The following NAV3 variants were observed in gnomAD, a reference collection of about 807,000 sequenced individuals.
NAV3 encodes neuron navigator 3, also known as pore membrane and/or filament interacting like protein 1.
Under a neutral mutation model 244.7 loss-of-function variants are expected in NAV3, and 87 were observed. That is an observed-to-expected ratio of 0.36 (90% CI 0.30 to 0.42). The LOEUF (loss-of-function observed/expected upper bound fraction) is 0.42, where lower values mean the gene tolerates loss of function less well. NAV3 is among the 20% of genes least tolerant of loss of function. The probability of loss-of-function intolerance (pLI) is 1.00; values close to 1 mark genes in which losing one functional copy is unlikely to be tolerated. For synonymous variants in NAV3, 1,126 were observed against 1,042.2 expected (o/e 1.08, Z -1.55); for missense variants, 2,663 against 2,893.3 (o/e 0.92, Z 1.83).
intron 35 of NAV3, among the ~76,000 whole-genome samples, chr12:78,197,980 G>A (rs974162168): frequency 2.0e-5 from 3 of 151,718 alleles, no homozygotes; most frequent in African/African-American, 7.3e-5. Context: ...CTCTATTAAT[G>A]AGTATGATTT....
intron 8 of NAV3, among the ~76,000 whole-genome samples, chr12:78,021,341 T>C (rs1160352823): frequency 6.6e-6 from 1 of 152,102 alleles, no homozygotes; most frequent in Non-Finnish European, 1.5e-5. Flanking sequence ...TATTTTAAAA[T>C]ATATTTTATA....
At chr12:78,099,433 G>A (rs191047165) in intron 12 of NAV3, among the ~76,000 whole-genome samples, 16 of 151,836 alleles carry the variant, frequency 1.1e-4, no homozygotes, top group African/African-American at 3.9e-4. Flanking sequence ...AATGCTAATG[G>A]TGGTTACTTC....
intron 2 of NAV3, among the ~76,000 whole-genome samples, chr12:77,666,139 T>G (rs1180207867): frequency 6.6e-6 from 1 of 151,876 alleles, no homozygotes; most frequent in Non-Finnish European, 1.5e-5. Flanking sequence ...TATACTCATG[T>G]AGACATACCC....
intron 2 of NAV3, among the ~76,000 whole-genome samples, chr12:77,673,782 A>T (rs1035886311): frequency 1.3e-5 from 2 of 152,176 alleles, no homozygotes; most frequent in African/African-American, 4.8e-5. Context: ...TAAAATACCT[A>T]TAATAATCAT....
At chr12:77,626,729 TATAA>T (rs1871643948) in intron 2 of NAV3, among the ~76,000 whole-genome samples, 1 of 152,226 alleles carries the variant, frequency 6.6e-6, no homozygotes, top group African/African-American at 2.4e-5. Context: ...ATGAAAACTG[TATAA>T]ATAAAGTCTT....
At chr12:77,948,814 A>T (rs550765328) in intron 3 of NAV3, among the ~76,000 whole-genome samples, 1 of 151,740 alleles carries the variant, frequency 6.6e-6, no homozygotes. Flanking sequence ...TTCAATATGA[A>T]TTGTAATACT....
chr12:77,580,982 A>G (rs764532697), intron 2 of NAV3, among the ~76,000 whole-genome samples: 32 of 152,132 alleles, frequency 2.1e-4, no homozygotes, highest in Admixed American at 5.2e-4. Flanking sequence ...CCCCTGCCAT[A>G]CTTCTCCAAA....
rs61932080 is a variant in NAV3, at chr12:77,659,386, A to C, written c.72+87120A>C. Among the ~76,000 whole-genome samples the C allele has an allele frequency of 8.8e-4, 134 of 152,300 alleles. 1 individual carries two copies. Among genetic ancestry groups the C allele is most frequent in the Admixed American group, 1.6e-3 (24 of 15,306 alleles). On this transcript the variant is annotated intron_variant, in intron 2 of 8. Coordinates refer to the NAV3 transcript ENST00000550042. ...GCTCACCATCACTGGCCATCAGAGA[A>C]ATGCAAATCAAAATCACAATGAGAT...
intron 17 of NAV3, 115 bp from the exon 18 acceptor site, chr12:78,128,591 A>AAT: frequency 9.7e-7 from 1 of 1,027,892 alleles, no homozygotes; most frequent in South Asian, 2.0e-5. Flanking sequence ...AATTAGATTC[A>AAT]ATCTGTTTGA....
chr12:77,759,733 T>C (rs536277905), intron 2 of NAV3, among the ~76,000 whole-genome samples: 2 of 151,892 alleles, frequency 1.3e-5, no homozygotes, highest in Admixed American at 6.6e-5. Flanking sequence ...TTAAATAAAG[T>C]TGCTCATTGG....
At chr12:77,680,897 A>G (rs1427259727) in intron 2 of NAV3, among the ~76,000 whole-genome samples, 1 of 152,110 alleles carries the variant, frequency 6.6e-6, no homozygotes, top group East Asian at 1.9e-4. Flanking sequence ...TTTTTTATCC[A>G]GTGGAGATGA....
At chr12:78,010,742 T>G (rs1875124695) in intron 8 of NAV3, 1 of 151,948 alleles carries the variant, frequency 6.6e-6, no homozygotes, top group African/African-American at 2.4e-5. Flanking sequence ...TATATAAATG[T>G]ATACAGATAC....
At chr12:78,106,849 G>A (rs1954827587) in intron 12 of NAV3, among the ~76,000 whole-genome samples, 1 of 152,152 alleles carries the variant, frequency 6.6e-6, no homozygotes, top group South Asian at 2.1e-4. Flanking sequence ...AGGGCCTGAA[G>A]CCTGGCCCAC....
intron 5 of NAV3, among the ~76,000 whole-genome samples, chr12:77,992,042 T>G (rs1871536747): frequency 6.6e-6 from 1 of 151,990 alleles, no homozygotes; most frequent in South Asian, 2.1e-4. Flanking sequence ...ACGAATATTT[T>G]ATAAAGGATC....
intron 11 of NAV3, among the ~76,000 whole-genome samples, chr12:78,053,580 G>A (rs1883077839): frequency 6.6e-6 from 1 of 152,078 alleles, no homozygotes; most frequent in Non-Finnish European, 1.5e-5. Flanking sequence ...TTTTCTCTGT[G>A]AGATGCATTG....
intron 1 of NAV3, among the ~76,000 whole-genome samples, chr12:77,902,395 A>G (rs1253169218): frequency 1.3e-5 from 2 of 152,228 alleles, no homozygotes; most frequent in African/African-American, 4.8e-5. Context: ...GATACATCCC[A>G]TCAATACCTA....
intron 9 of NAV3, 23 bp downstream of exon 9, chr12:78,021,885 A>G (rs1366945343): frequency 1.4e-6 from 2 of 1,449,958 alleles, no homozygotes; most frequent in African/African-American, 1.4e-5. Flanking sequence ...ATCGATGCAT[A>G]GGTCAAACCT....
chr12:78,122,294 C>T lies in NAV3; in HGVS notation c.4104C>T (p.Ser1368=), dbSNP rs777741594. The T allele has an allele frequency of 6.2e-7, 1 of 1,614,176 alleles. No individual in the cohort carries two copies. ...CTCCGAGCTACCAGTCCATGACTAG[C>T]CTCCACACGAGCTCTGAGTCCATTG... ...KDTPSYQSMT[S]LHTSSESIDL... Residue 1368 remains serine (S), a synonymous_variant, in exon 16 of 40, where the codon AGC becomes AGT. Coordinates refer to ENST00000397909, the MANE Select transcript of NAV3 (RefSeq NM_001024383.2).
chr12:77,995,446 AAG>A (rs1176639609), intron 6 of NAV3, among the ~76,000 whole-genome samples: 1 of 152,202 alleles, frequency 6.6e-6, no homozygotes. Flanking sequence ...AATGTTTTGA[AAG>A]AGTTTGATTT....
Sources: gnomAD v4.1 joint callset for allele counts (sites outside exome capture counted in the v4.1 genomes callset) on GRCh38, gnomAD v4.1.1 for gene constraint, MANE v1.5 for transcripts, NCBI Gene and HGNC (gene_info 2026-07-23, HGNC 2026-07-21) for gene names.